The following N4BP2 variants were observed in gnomAD, a reference collection of about 807,000 sequenced individuals.
The protein encoded by N4BP2 is NEDD4-binding protein 2.
N4BP2 carries 91 observed loss-of-function variants against 152.8 expected under a neutral mutation model. That is an observed-to-expected ratio of 0.60 (90% CI 0.50 to 0.71). The LOEUF (loss-of-function observed/expected upper bound fraction) is 0.71. Ranked by LOEUF, N4BP2 falls within the 30% of genes least tolerant of loss-of-function variation. The pLI is 0.00. For missense variants in N4BP2, 1,923 were observed against 2,059.1 expected (o/e 0.93, Z 1.28); for synonymous variants, 646 against 705.3 (o/e 0.92, Z 1.33).
At chr4:40,085,940 T>C (rs988274442) in intron 2 of N4BP2, among the ~76,000 whole-genome samples, 1 of 151,864 alleles carries the variant, frequency 6.6e-6, no homozygotes, top group African/African-American at 2.4e-5. Flanking sequence ...GCAGGAGGAA[T>C]ATTTGAGGCC....
At chr4:40,169,522 T>C in the N4BP2 span, among the ~76,000 whole-genome samples, 4 of 151,554 alleles carry the variant, frequency 2.6e-5, no homozygotes, top group South Asian at 8.3e-4. Context: ...TAAATAATCA[T>C]TGGATCAAAT....
At chr4:40,104,093 C>T (rs1715996304) in intron 4 of N4BP2, among the ~76,000 whole-genome samples, 1 of 151,984 alleles carries the variant, frequency 6.6e-6, no homozygotes, top group South Asian at 2.1e-4. Flanking sequence ...GCTGGGACTA[C>T]AGGCGCCCAC....
At chr4:40,183,100 T>A in the N4BP2 span, among the ~76,000 whole-genome samples, 2 of 152,210 alleles carry the variant, frequency 1.3e-5, no homozygotes, top group Non-Finnish European at 2.9e-5. Flanking sequence ...TGCTTCCTCA[T>A]AGTCTTTGGA....
chr4:40,177,310 T>G, the N4BP2 span, among the ~76,000 whole-genome samples: 1 of 152,136 alleles, frequency 6.6e-6, no homozygotes, highest in East Asian at 1.9e-4. Context: ...TGTAGTTGTT[T>G]TGCTTTTTAA....
At chr4:40,104,730 A>G (rs1437914671) in intron 4 of N4BP2, among the ~76,000 whole-genome samples, 2 of 152,142 alleles carry the variant, frequency 1.3e-5, no homozygotes, top group Non-Finnish European at 2.9e-5. Context: ...TGCTTTTCAC[A>G]AGGTAGAAAC....
rs1721629493 is a variant in N4BP2, at chr4:40,156,746, T to C, written c.*2509T>C. On this transcript the variant is annotated 3_prime_UTR_variant, in exon 18 of 18. Coordinates refer to ENST00000261435, the MANE Select transcript of N4BP2 (RefSeq NM_018177.6). ...GTATCCCTAATGAGAAAATTCAAAATCTGAAATGCTTCAAAATCTGAAATT... is the reference window on the plus strand; with the variant it reads ...GTATCCCTAATGAGAAAATTCAAAACCTGAAATGCTTCAAAATCTGAAATT... 6.6e-6 allele frequency: 1 copy of C among 152,102 alleles called. No individual in the cohort carries two copies. The highest frequency in any genetic ancestry group is 2.4e-5 in the African/African-American group (1 of 41,448). 9.4% of individuals were successfully genotyped at this position (152,102 alleles called of 1,614,324 possible).
chr4:40,098,904 TTAACA>T (rs1367386842), intron 3 of N4BP2, among the ~76,000 whole-genome samples: 1 of 152,244 alleles, frequency 6.6e-6, no homozygotes, highest in Non-Finnish European at 1.5e-5. Context: ...CGTTTTTAAC[TTAACA>T]TAAGCATTTG....
At chr4:40,091,125 T>G (rs1714500633) in intron 2 of N4BP2, among the ~76,000 whole-genome samples, 2 of 151,742 alleles carry the variant, frequency 1.3e-5, no homozygotes, top group Admixed American at 6.6e-5. Context: ...TCTTGCACCC[T>G]TGTTAAACTC....
intron 14 of N4BP2, among the ~76,000 whole-genome samples, chr4:40,139,243 T>A (rs1004530898): frequency 6.6e-6 from 1 of 152,156 alleles, no homozygotes; most frequent in Non-Finnish European, 1.5e-5. Flanking sequence ...ATGTCCTTTT[T>A]AAAAGTTTAT....
At chr4:40,139,091 C>T (rs1275457824) in intron 14 of N4BP2, among the ~76,000 whole-genome samples, 2 of 152,120 alleles carry the variant, frequency 1.3e-5, no homozygotes, top group Non-Finnish European at 1.5e-5. Flanking sequence ...TTCAACAATG[C>T]ACTATAGTTT....
intron 5 of N4BP2, 134 bp from the exon 6 acceptor site, chr4:40,111,950 G>T (rs184018866): frequency 1.6e-5 from 9 of 562,842 alleles, no homozygotes; most frequent in Non-Finnish European, 2.5e-5. Context: ...GTCCTCAAAG[G>T]GATATTTAGA....
chr4:40,068,641 T>G (rs1183783714), intron 1 of N4BP2, among the ~76,000 whole-genome samples: 3 of 152,204 alleles, frequency 2.0e-5, no homozygotes, highest in Non-Finnish European at 4.4e-5. Context: ...AGTATTTATT[T>G]CTGGGCTTTC....
In N4BP2 at chr4:40,154,244, C is replaced by T; in HGVS notation, c.*7C>T. 6.3e-7 allele frequency: 1 copy of T among 1,583,432 alleles called. No homozygotes were observed. The highest frequency in any genetic ancestry group is 2.3e-5 in the East Asian group (1 of 44,056). On this transcript the variant is annotated 3_prime_UTR_variant, in exon 18 of 18. Transcript: ENST00000261435. ...GAAAGTCATGCTAAAGTAAAATAAA[C>T]ATCCTTGAATTAGAAGTATGAAGGT...
At position 40,142,729 on chromosome 4, in the gene N4BP2, T is replaced by C. The variant is rs745871037; in HGVS notation, c.4842T>C (p.Phe1614=). 6.2e-7 allele frequency: 1 copy of C among 1,614,068 alleles called. No homozygotes were observed. Among genetic ancestry groups the C allele is most frequent in the Non-Finnish European group, 8.5e-7 (1 of 1,179,932 alleles). Residue 1614 remains phenylalanine, a synonymous_variant, in exon 15 of 18, where the codon TTT becomes TTC. Transcript: ENST00000261435. ...CAAGTGAACTGTCTTTCCAGGACTTTGAGTACCCAGACTATGATGACTACA... is the reference window on the plus strand; with the variant it reads ...CAAGTGAACTGTCTTTCCAGGACTTCGAGTACCCAGACTATGATGACTACA... ...ETPSELSFQD[F]EYPDYDDYRA...
rs763415346 is a variant in N4BP2, at chr4:40,154,250, T to C, written c.*13T>C. ...CATGCTAAAGTAAAATAAACATCCTTGAATTAGAAGTATGAAGGTTTGTAG... is the reference window on the plus strand; with the variant it reads ...CATGCTAAAGTAAAATAAACATCCTCGAATTAGAAGTATGAAGGTTTGTAG... On this transcript the variant is annotated 3_prime_UTR_variant, in exon 18 of 18. Transcript: ENST00000261435. 6.3e-7 allele frequency: 1 copy of C among 1,574,854 alleles called. No individual in the cohort carries two copies. The highest frequency in any genetic ancestry group is 8.7e-7 in the Non-Finnish European group (1 of 1,152,946).
the N4BP2 span, among the ~76,000 whole-genome samples, chr4:40,181,888 G>A: frequency 6.6e-6 from 1 of 152,222 alleles, no homozygotes; most frequent in Non-Finnish European, 1.5e-5. Flanking sequence ...GGCGGAGGTT[G>A]CAGTGAGCTG....
chr4:40,147,444 G>T (rs573887639), intron 16 of N4BP2, among the ~76,000 whole-genome samples: 4 of 152,136 alleles, frequency 2.6e-5, no homozygotes, highest in Admixed American at 2.0e-4. Context: ...TCCCAGACGG[G>T]GTGGTGGCCG....
the N4BP2 span, among the ~76,000 whole-genome samples, chr4:40,180,184 T>C: frequency 1.3e-5 from 2 of 152,210 alleles, no homozygotes; most frequent in Middle Eastern, 3.2e-3. Context: ...ATAAACAGAT[T>C]ATTGATATCT....
At position 40,139,085 on chromosome 4, in the gene N4BP2, A is replaced by G. The variant is rs143443165; in HGVS notation, c.4785+2003A>G. The stretch of plus-strand genomic sequence containing the variant: ...TTTAGGTCTTCTTTAATTTCCTTCA[A>G]CAATGCACTATAGTTTTCAGAGTAT... On this transcript the variant is annotated intron_variant, in intron 14 of 17. Coordinates refer to ENST00000261435, the MANE Select transcript of N4BP2 (RefSeq NM_018177.6). Among the ~76,000 whole-genome samples, 753 of 152,268 alleles carry G rather than the reference A, an allele frequency of 4.9e-3. 6 individuals are homozygous for G. The highest frequency in any genetic ancestry group is 0.017 in the African/African-American group (723 of 41,546).
Sources: gnomAD v4.1 joint callset for allele counts (sites outside exome capture counted in the v4.1 genomes callset) on GRCh38, gnomAD v4.1.1 for gene constraint, MANE v1.5 for transcripts, NCBI Gene and HGNC (gene_info 2026-07-23, HGNC 2026-07-21) for gene names.